FOXP1: variants seen among roughly 807,000 people sequenced by gnomAD.
FOXP1 encodes forkhead box P1, also known as forkhead box protein P1.
In FOXP1, 15 loss-of-function variants were observed where a neutral mutation model predicts 98.2. The ratio of observed to expected loss-of-function variants is 0.15; its 90% CI spans 0.10 to 0.24. The LOEUF is 0.24. Ranked by LOEUF, FOXP1 falls within the 10% of genes least tolerant of loss-of-function variation. The pLI, the probability that FOXP1 is intolerant of heterozygous loss-of-function variation, is 1.00. For synonymous variants in FOXP1, 371 were observed against 314.5 expected (o/e 1.18, Z -1.90); for missense variants, 633 against 848.5 (o/e 0.75, Z 3.15).
chr3:71,201,504 G>A (rs548222552), intron 5 of FOXP1, among the ~76,000 whole-genome samples: 8 of 152,198 alleles, frequency 5.3e-5, no homozygotes, highest in Middle Eastern at 3.4e-3. Flanking sequence ...AAAATTAGCC[G>A]GGCATGGTGG....
At chr3:71,468,884 G>GCAGGAC (rs1412524636) in intron 3 of FOXP1, among the ~76,000 whole-genome samples, 1 of 152,196 alleles carries the variant, frequency 6.6e-6, no homozygotes, top group Non-Finnish European at 1.5e-5. Context: ...AGAAAAACGA[G>GCAGGAC]CAGGACCACG....
chr3:71,575,493 G>A (rs1375505600), intron 2 of FOXP1, among the ~76,000 whole-genome samples: 2 of 152,168 alleles, frequency 1.3e-5, no homozygotes, highest in East Asian at 1.9e-4. Flanking sequence ...GTAGGTGAGC[G>A]AGGACCTCAC....
chr3:71,170,243 G>T (rs2061583518), intron 6 of FOXP1, among the ~76,000 whole-genome samples: 3 of 152,122 alleles, frequency 2.0e-5, no homozygotes, highest in African/African-American at 7.2e-5. Context: ...TATTTAAAGT[G>T]AACTGCAAAA....
At chr3:70,997,477 C>T (rs189701012) in intron 13 of FOXP1, among the ~76,000 whole-genome samples, 4 of 152,264 alleles carry the variant, frequency 2.6e-5, no homozygotes, top group African/African-American at 4.8e-5. Flanking sequence ...GACTCTCAAT[C>T]GAATCCTTGG....
chr3:71,541,764 A>G (rs567626190), intron 2 of FOXP1, among the ~76,000 whole-genome samples: 2 of 152,352 alleles, frequency 1.3e-5, no homozygotes, highest in East Asian at 3.9e-4. Context: ...GAAACAGACC[A>G]ATGCATTAGA....
chr3:71,477,155 G>A (rs949035433), intron 3 of FOXP1, among the ~76,000 whole-genome samples: 3 of 152,122 alleles, frequency 2.0e-5, no homozygotes, highest in Admixed American at 1.3e-4. Flanking sequence ...ACAATGAGGT[G>A]TGACACAGCG....
chr3:71,348,924 A>T (rs1315441325), intron 4 of FOXP1, among the ~76,000 whole-genome samples: 1 of 152,148 alleles, frequency 6.6e-6, no homozygotes, highest in South Asian at 2.1e-4. Context: ...TAGACAAGAG[A>T]CCGGACTACA....
intron 3 of FOXP1, among the ~76,000 whole-genome samples, chr3:71,416,513 C>A (rs1210743792): frequency 1.3e-5 from 2 of 151,130 alleles, no homozygotes; most frequent in East Asian, 3.9e-4. Flanking sequence ...CTACTGCACT[C>A]CAGCCTGGGC....
chr3:71,500,692 A>G (rs569089273), intron 2 of FOXP1, among the ~76,000 whole-genome samples: 28 of 152,304 alleles, frequency 1.8e-4, no homozygotes, highest in African/African-American at 6.7e-4. Flanking sequence ...TCAAGCAACT[A>G]AAAAAGAAAG....
chr3:71,036,705 T>C (rs184550137), intron 11 of FOXP1, among the ~76,000 whole-genome samples: 1 of 152,322 alleles, frequency 6.6e-6, no homozygotes, highest in Admixed American at 6.5e-5. Flanking sequence ...TCATTTATGT[T>C]CTTTATGTGC....
At chr3:71,381,627 A>G (rs2080188009) in intron 3 of FOXP1, among the ~76,000 whole-genome samples, 1 of 151,726 alleles carries the variant, frequency 6.6e-6, no homozygotes, top group South Asian at 2.1e-4. Context: ...TATTTTTTGT[A>G]GAGACGGAGT....
At chr3:71,069,315 G>T (rs2052937148) in intron 7 of FOXP1, among the ~76,000 whole-genome samples, 1 of 152,098 alleles carries the variant, frequency 6.6e-6, no homozygotes, top group Admixed American at 6.5e-5. Flanking sequence ...GATGAGCTAT[G>T]GAAAACATCA....
Position 71,359,889 on chromosome 3 carries a change from T to C in FOXP1, c.-167-645A>G, listed in dbSNP as rs1332745375. 2.6e-5 allele frequency among the ~76,000 whole-genome samples: 4 copies of C among 152,184 alleles called. No individual in the cohort carries two copies. The East Asian group carries it at 7.7e-4, about 29-fold the overall frequency. On this transcript the variant is annotated intron_variant, in intron 3 of 20. Coordinates refer to ENST00000649528, the MANE Select transcript of FOXP1 (RefSeq NM_001349338.3). ...CTCACTGCAACCTCCACCTCCCAGTTTCAAGCGATTATCCTGCCGCAGCCT... is the reference window on the plus strand; with the variant it reads ...CTCACTGCAACCTCCACCTCCCAGTCTCAAGCGATTATCCTGCCGCAGCCT...
chr3:71,538,918 T>C (rs1296314519), intron 2 of FOXP1, among the ~76,000 whole-genome samples: 3 of 152,136 alleles, frequency 2.0e-5, no homozygotes, highest in Admixed American at 6.6e-5. Context: ...GCATCATCTG[T>C]TAAGAAGACT....
intron 4 of FOXP1, among the ~76,000 whole-genome samples, chr3:71,308,804 T>TGTGTGTGTGTGTGTGG (rs1553836101): frequency 7.8e-6 from 1 of 128,082 alleles, no homozygotes; most frequent in African/African-American, 2.8e-5. Flanking sequence ...TGTGTGTGTG[T>TGTGTGTGTGTGTGTGG]GTGGGTGAGG....
intron 6 of FOXP1, among the ~76,000 whole-genome samples, chr3:71,149,362 A>C (rs2060466213): frequency 6.6e-6 from 1 of 152,168 alleles, no homozygotes. Context: ...TCTAAAGTAC[A>C]TTGTTTTTTT....
intron 7 of FOXP1, among the ~76,000 whole-genome samples, chr3:71,088,157 T>C (rs2055345572): frequency 6.6e-6 from 1 of 152,216 alleles, no homozygotes. Flanking sequence ...CCAAGCTTGT[T>C]TCTGATTGGG....
chr3:70,994,027 AAAAAG>A (rs2041011343), intron 13 of FOXP1, among the ~76,000 whole-genome samples: 1 of 151,470 alleles, frequency 6.6e-6, no homozygotes, highest in Non-Finnish European at 1.5e-5. Context: ...AAAGAAAAAG[AAAAAG>A]AAAAAGAAAA....
At chr3:71,326,373 G>T (rs560877564) in intron 4 of FOXP1, among the ~76,000 whole-genome samples, 10 of 152,318 alleles carry the variant, frequency 6.6e-5, no homozygotes, top group African/African-American at 2.4e-4. Flanking sequence ...AGGCTCGGAT[G>T]AAAAATAACA....
Sources: gnomAD v4.1 joint callset for allele counts (sites outside exome capture counted in the v4.1 genomes callset) on GRCh38, gnomAD v4.1.1 for gene constraint, MANE v1.5 for transcripts, NCBI Gene and HGNC (gene_info 2026-07-23, HGNC 2026-07-21) for gene names.